CERCAM: variants seen among roughly 807,000 people sequenced by gnomAD.
CERCAM encodes the protein inactive glycosyltransferase 25 family member 3.
In CERCAM, 59 loss-of-function variants were observed where a neutral mutation model predicts 66.0. The observed-to-expected ratio is 0.89, with a 90% CI of 0.73 to 1.11. The LOEUF (loss-of-function observed/expected upper bound fraction) is 1.11. Ranked by LOEUF, CERCAM falls within the 50% of genes most tolerant of loss-of-function variation. CERCAM has a pLI of 0.00. For synonymous variants in CERCAM, 318 were observed against 343.6 expected, an observed-to-expected ratio of 0.93 and a Z score of 0.83; for missense variants, 840 against 828.3, an observed-to-expected ratio of 1.01 and a Z score of -0.17.
upstream of CERCAM, chr9:128,420,673 G>C (rs1342365185): frequency 8.6e-6 from 2 of 231,334 alleles, no homozygotes; most frequent in Admixed American, 5.7e-5. This position sits in a 1 kb window ranked among gnomAD's most constrained non-coding sequence, Gnocchi z 5.0. Flanking sequence ...GCGGGTCCCC[G>C]GGCCCTGGCC....
intron 5 of CERCAM, among the ~76,000 whole-genome samples, chr9:128,426,556 C>G (rs977380923): frequency 2.0e-5 from 3 of 151,492 alleles, no homozygotes; most frequent in Non-Finnish European, 4.4e-5. Flanking sequence ...GGAGGCAGAG[C>G]TTGCAGTGAG....
chr9:128,434,157 A>G lies in CERCAM; in HGVS notation c.1259A>G (p.Glu420Gly). 1.2e-6 allele frequency: 2 copies of G among 1,614,104 alleles called. No individual in the cohort carries two copies. The part of the protein sequence containing the change: ...VLVFEDDVRF[E>G]SNFRGRLERL... ...GTGTTTGAGGATGACGTGCGCTTTG[A>G]GAGCAACTTCAGGGGGCGGCTGGAG... is the stretch of plus-strand genomic sequence containing the variant. The change falls in exon 10 of 13, where the codon GAG (glutamate) becomes GGG (glycine). Residue 420 changes from glutamate (E) to glycine (G), a missense_variant. Coordinates refer to ENST00000372838, the MANE Select transcript of CERCAM (RefSeq NM_016174.5). The surrounding 1 kb of genome is among the most constrained non-coding windows in gnomAD (Gnocchi z 4.5).
At chr9:128,423,337 C>A in intron 3 of CERCAM, 74 bp downstream of exon 3, 1 of 1,280,180 alleles carries the variant, frequency 7.8e-7, no homozygotes, top group Non-Finnish European at 1.1e-6. Context: ...TGGGTATAGG[C>A]TGGGTGCAGT....
chr9:128,423,229 C>T lies in CERCAM; in HGVS notation c.392C>T (p.Thr131Ile), dbSNP rs776251482. The change falls in exon 3 of 13, where the codon ACC (threonine) becomes ATC (isoleucine). Residue 131 changes from threonine to isoleucine, a missense_variant. Thr to Ile is a moderately conservative substitution (Grantham distance 89, BLOSUM62 -1). Transcript: ENST00000372838. ...ATGGAGCTGAAGCAGGAAGCCCTCA[C>T]CTTTGCCAGGAACTGGGGGGCCGAC... ...FLMELKQEAL[T>I]FARNWGADYI... 2 of 1,614,090 alleles carry T rather than the reference C, an allele frequency of 1.2e-6. No homozygotes were observed. The highest frequency in any genetic ancestry group is 1.7e-6 in the Non-Finnish European group (2 of 1,180,026).
rs180815521 is a variant in CERCAM at position 128,429,818 on chromosome 9, C to T, written c.1070+782C>T. On this transcript the variant is annotated intron_variant, in intron 8 of 12. Transcript: ENST00000372838. The stretch of plus-strand genomic sequence containing the variant: ...TTTTTTTTTTTTTGAGGCAGAGTCT[C>T]GCTCTGTCGCCCAGGCCTGGAGTGC... 7.7e-3 allele frequency among the ~76,000 whole-genome samples: 1,162 copies of T among 151,180 alleles called. 13 individuals carry two copies. Among genetic ancestry groups the T allele is most frequent in the African/African-American group, 0.027 (1,124 of 41,150 alleles).
At position 128,435,779 on chromosome 9, in the gene CERCAM, A is replaced by G. The variant is rs774099956; in HGVS notation, c.1662A>G (p.Pro554=). ...EWLSDTETSS[P]WDDDSGRLIS... The stretch of plus-strand genomic sequence containing the variant: ...TCAGTGACACGGAGACATCCTCTCC[A>G]TGGGATGATGACAGCGGCCGCCTCA... The change falls in exon 12 of 13, where the codon CCA becomes CCG. Residue 554 remains proline (P), a synonymous_variant. Transcript: ENST00000372838. 7.4e-6 allele frequency: 12 copies of G among 1,613,224 alleles called. No homozygotes were observed. The South Asian group carries it at 1.1e-4, about 15-fold the overall frequency.
At chr9:128,431,050 C>A in intron 8 of CERCAM, 121 bp from the exon 9 acceptor site, 1 of 1,229,418 alleles carries the variant, frequency 8.1e-7, no homozygotes, top group East Asian at 2.4e-5. Context: ...AAAGGAGTTA[C>A]AAGGCAGAAA....
At chr9:128,428,473 C>T in intron 6 of CERCAM, 52 bp downstream of exon 6, 1 of 1,601,806 alleles carries the variant, frequency 6.2e-7, no homozygotes, top group Non-Finnish European at 8.5e-7. Flanking sequence ...TCCCTGCCTC[C>T]CCACGGTGCC....
intron 9 of CERCAM, among the ~76,000 whole-genome samples, chr9:128,432,979 C>G (rs990644091): frequency 6.6e-6 from 1 of 151,924 alleles, no homozygotes; most frequent in African/African-American, 2.4e-5. Context: ...ACTAAAAATA[C>G]AAAAATTAGC....
At chr9:128,432,392 T>G (rs1833996860) in intron 9 of CERCAM, among the ~76,000 whole-genome samples, 1 of 150,010 alleles carries the variant, frequency 6.7e-6, no homozygotes, top group African/African-American at 2.5e-5. Flanking sequence ...TTTTTTTTTT[T>G]TTTTTTTTTT....
Position 128,424,628 on chromosome 9 carries a change from C to T in CERCAM, c.766+14C>T, listed in dbSNP as rs1833797005. The T allele has an allele frequency of 6.2e-7, 1 of 1,611,860 alleles. No individual in the cohort carries two copies. The highest frequency in any genetic ancestry group is 8.5e-7 in the Non-Finnish European group (1 of 1,178,376). On this transcript the variant is annotated intron_variant, in intron 5 of 12. Coordinates refer to ENST00000372838, the MANE Select transcript of CERCAM (RefSeq NM_016174.5). Reference sequence around the variant, plus strand: ...GCCAGGCTGCTGGTGAGGACCAGCCCTCCTTTAGCATTCCTTGGAGGCCTC... The same window carrying T: ...GCCAGGCTGCTGGTGAGGACCAGCCTTCCTTTAGCATTCCTTGGAGGCCTC...
In CERCAM at chr9:128,433,812, C is replaced by T. The variant is rs948959237; in HGVS notation, c.1204-290C>T. ...TGCGATTGAGGATCATCATCTCCTG[C>T]CTCCTGAGGGCCCCTGCAGATACGC... is the stretch of plus-strand genomic sequence containing the variant. On this transcript the variant is annotated intron_variant, in intron 9 of 12. Transcript: ENST00000372838. Among the ~76,000 whole-genome samples, 5 of 152,216 alleles carry T rather than the reference C, an allele frequency of 3.3e-5. No individual in the cohort carries two copies. The East Asian group carries it at 9.6e-4, about 29-fold the overall frequency.
chr9:128,423,013 G>A (rs1261441815), intron 2 of CERCAM, 35 bp downstream of exon 2: 1 of 1,613,062 alleles, frequency 6.2e-7, no homozygotes, highest in Non-Finnish European at 8.5e-7. Flanking sequence ...TGGGGAAGAT[G>A]GAGAACAGCT....
At position 128,420,895 on chromosome 9, in the gene CERCAM, C is replaced by T. The variant is rs978439013; in HGVS notation, c.18C>T (p.Ala6=). 1.4e-5 allele frequency: 18 copies of T among 1,320,238 alleles called. No homozygotes were observed. The East Asian group carries it at 5.0e-4, about 36-fold the overall frequency. The allele number at this position is 1,320,238 out of a possible 1,614,324, so 81.8% of individuals were successfully genotyped here. MRAAR[A]APLLQLLLLL... The stretch of plus-strand genomic sequence containing the variant: ...CGCCCGCCATGCGCGCTGCCCGCGC[C>T]GCGCCGCTGCTCCAGCTGCTGCTCC... The change falls in exon 1 of 13, where the codon GCC becomes GCT. Residue 6 remains alanine (A), a synonymous_variant. Transcript: ENST00000372838. This position sits in a 1 kb window ranked among gnomAD's most constrained non-coding sequence, Gnocchi z 5.0.
At chr9:128,421,600 T>A (rs1588612705) in intron 1 of CERCAM, 1 of 857,576 alleles carries the variant, frequency 1.2e-6, no homozygotes, top group Non-Finnish European at 1.4e-6. Flanking sequence ...CCAGCTCTCT[T>A]GGTAGATCTT....
chr9:128,421,345 T>TTGGGAAGGTTGG (rs1340130837), intron 1 of CERCAM: 12 of 1,192,412 alleles, frequency 1.0e-5, no homozygotes, highest in Non-Finnish European at 1.2e-5. Flanking sequence ...CTTCCCTGGG[T>TTGGGAAGGTTGG]GTAGGTTGGG....
rs1834046911 is a variant in CERCAM, at chr9:128,434,169, G to C, written c.1271G>C (p.Arg424Thr). ...EDDVRFESNF[R>T]GRLERLMEDV... The stretch of plus-strand genomic sequence containing the variant: ...GACGTGCGCTTTGAGAGCAACTTCA[G>C]GGGGCGGCTGGAGCGGCTGATGGAG... Residue 424 changes from arginine to threonine, a missense_variant, in exon 10 of 13, where the codon AGG (arginine) becomes ACG (threonine). Arg to Thr is a moderately conservative substitution (Grantham distance 71, BLOSUM62 -1). Transcript: ENST00000372838. The surrounding 1 kb of genome is among the most constrained non-coding windows in gnomAD (Gnocchi z 4.5). The C allele has an allele frequency of 6.2e-7, 1 of 1,614,062 alleles. No homozygotes were observed. Among genetic ancestry groups the C allele is most frequent in the Non-Finnish European group, 8.5e-7 (1 of 1,180,026 alleles).
chr9:128,424,765 C>CTTTT, intron 5 of CERCAM, 151 bp downstream of exon 5: 1 of 575,322 alleles, frequency 1.7e-6, no homozygotes, highest in South Asian at 2.2e-5. Flanking sequence ...TTTTCTCTCT[C>CTTTT]TTTTTTTTTT....
rs13298568 is a variant in CERCAM at position 128,429,833 on chromosome 9, G to T, written c.1070+797G>T. Among the ~76,000 whole-genome samples the T allele has an allele frequency of 1.6e-4, 24 of 151,776 alleles. 1 individual carries two copies. The highest frequency in any genetic ancestry group is 5.8e-4 in the African/African-American group (24 of 41,394). On this transcript the variant is annotated intron_variant, in intron 8 of 12. Transcript: ENST00000372838. ...GGCAGAGTCTCGCTCTGTCGCCCAG[G>T]CCTGGAGTGCAGTGGCGCAATCTTG...
Sources: gnomAD v4.1 joint callset for allele counts (sites outside exome capture counted in the v4.1 genomes callset) on GRCh38, gnomAD v4.1.1 for gene constraint, Gnocchi (gnomAD v3.1) non-coding constraint, MANE v1.5 for transcripts, NCBI Gene and HGNC (gene_info 2026-07-23, HGNC 2026-07-21) for gene names.